The following EAF2 variants were observed in gnomAD, a reference collection of about 807,000 sequenced individuals.
EAF2 encodes ELL associated factor 2.
A neutral mutation model predicts 29.4 loss-of-function variants in EAF2; 29 were observed. The observed-to-expected ratio is 0.99, with a 90% CI of 0.73 to 1.35. EAF2 has a LOEUF of 1.35. Among genes scored for constraint, EAF2 ranks in the 40% most tolerant of loss-of-function variants. The pLI is 0.00. For missense variants in EAF2, 292 were observed against 312.0 expected (o/e 0.94, Z 0.48); for synonymous variants, 103 against 102.5 (o/e 1.00, Z -0.03).
intron 2 of EAF2, among the ~76,000 whole-genome samples, chr3:121,850,593 C>A (rs976264852): frequency 2.6e-5 from 4 of 152,100 alleles, no homozygotes; most frequent in Non-Finnish European, 4.4e-5. Context: ...AGCCAAGCAC[C>A]TAAGTTTTTG....
chr3:121,872,978 C>T, intron 5 of EAF2, 190 bp downstream of exon 5: 1 of 867,968 alleles, frequency 1.2e-6, no homozygotes, highest in Non-Finnish European at 1.8e-6. Flanking sequence ...GTTTTTCTCC[C>T]ATCTCTCTAG....
chr3:121,857,794 G>A (rs1268772224), intron 4 of EAF2, among the ~76,000 whole-genome samples: 5 of 152,042 alleles, frequency 3.3e-5, no homozygotes, highest in Non-Finnish European at 5.9e-5. Context: ...TTTACATTAG[G>A]TATATCTCCG....
chr3:121,850,449 A>G (rs191006552), intron 2 of EAF2, among the ~76,000 whole-genome samples: 8 of 148,840 alleles, frequency 5.4e-5, no homozygotes, highest in Middle Eastern at 7.0e-3. Flanking sequence ...ATATGATTTT[A>G]TTTTCTTATA....
chr3:121,879,767 T>C (rs945618228), intron 5 of EAF2, among the ~76,000 whole-genome samples: 3 of 152,138 alleles, frequency 2.0e-5, no homozygotes, highest in African/African-American at 7.2e-5. Flanking sequence ...TCTGTTCCAT[T>C]GGTCTGTGTG....
At chr3:121,858,254 C>T (rs527261892) in intron 4 of EAF2, among the ~76,000 whole-genome samples, 58 of 152,366 alleles carry the variant, frequency 3.8e-4, no homozygotes, top group African/African-American at 1.2e-3. Flanking sequence ...CACAGTCTTC[C>T]GCAATGGTTG....
At chr3:121,883,326 A>G (rs1203709500) in intron 5 of EAF2, among the ~76,000 whole-genome samples, 1 of 152,210 alleles carries the variant, frequency 6.6e-6, no homozygotes, top group Admixed American at 6.5e-5. Context: ...TCCAAATACA[A>G]TGAGCAGCAT....
chr3:121,866,760 G>T (rs1380166951), intron 4 of EAF2, among the ~76,000 whole-genome samples: 1 of 151,846 alleles, frequency 6.6e-6, no homozygotes, highest in Non-Finnish European at 1.5e-5. Flanking sequence ...AAAAGAAAAA[G>T]AAAATAAAAT....
At chr3:121,841,048 C>T (rs17742508) in intron 1 of EAF2, among the ~76,000 whole-genome samples, 37,490 of 151,912 alleles carry the variant, frequency 0.25, 4,958 homozygotes, top group Non-Finnish European at 0.28. Context: ...AGTAGTTTAG[C>T]TGATTGAAAA....
intron 4 of EAF2, among the ~76,000 whole-genome samples, chr3:121,862,093 T>G (rs1352690569): frequency 6.6e-6 from 1 of 152,220 alleles, no homozygotes; most frequent in African/African-American, 2.4e-5. Flanking sequence ...TCTCTCTGGC[T>G]TCCTTTAACA....
At chr3:121,860,461 G>T (rs889090231) in intron 4 of EAF2, among the ~76,000 whole-genome samples, 2 of 152,164 alleles carry the variant, frequency 1.3e-5, no homozygotes, top group Admixed American at 1.3e-4. Flanking sequence ...TTGCATAGAG[G>T]TGTTTATAGT....
chr3:121,839,322 C>T (rs990367728), intron 1 of EAF2, among the ~76,000 whole-genome samples: 2 of 152,180 alleles, frequency 1.3e-5, no homozygotes, highest in Non-Finnish European at 2.9e-5. Context: ...TGGGTTTATT[C>T]ATCCTCCGTG....
chr3:121,854,848 A>T, intron 3 of EAF2, 25 bp downstream of exon 3: 2 of 1,507,656 alleles, frequency 1.3e-6, no homozygotes, highest in Non-Finnish European at 1.8e-6. Context: ...GAAATAAATT[A>T]TATTATAAAC....
chr3:121,861,497 CTT>C (rs1032644061), intron 4 of EAF2, among the ~76,000 whole-genome samples: 5 of 151,150 alleles, frequency 3.3e-5, no homozygotes, highest in Non-Finnish European at 7.4e-5. Flanking sequence ...GCAACCCCTG[CTT>C]TTTTTTTGTT....
At chr3:121,841,504 C>CAAAAAAAAAAAAAAA (rs57868658) in intron 1 of EAF2, among the ~76,000 whole-genome samples, 30 of 25,962 alleles carry the variant, frequency 1.2e-3, no homozygotes, top group Non-Finnish European at 1.6e-3. Context: ...GACCCTGTCT[C>CAAAAAAAAAAAAAAA]AAAAAAAAAA....
chr3:121,873,226 A>G (rs1709047748), intron 5 of EAF2: 2 of 520,798 alleles, frequency 3.8e-6, no homozygotes, highest in South Asian at 3.0e-5. Context: ...ATCTCCCATC[A>G]TCTCATCACC....
At chr3:121,840,522 C>A (rs1443216601) in intron 1 of EAF2, among the ~76,000 whole-genome samples, 74 of 60,596 alleles carry the variant, frequency 1.2e-3, no homozygotes, top group African/African-American at 1.9e-3. Context: ...AAAAAAAAAA[C>A]GGGCCGGGTG....
chr3:121,839,268 A>G (rs564839667), intron 1 of EAF2, among the ~76,000 whole-genome samples: 2 of 152,284 alleles, frequency 1.3e-5, no homozygotes, highest in African/African-American at 4.8e-5. Flanking sequence ...CATTGATCCC[A>G]TATCTTCTCT....
chr3:121,865,134 C>A (rs1708901521), intron 4 of EAF2, among the ~76,000 whole-genome samples: 1 of 152,078 alleles, frequency 6.6e-6, no homozygotes, highest in African/African-American at 2.4e-5. Flanking sequence ...GGAGGCAAGG[C>A]ACAGTGGCTC....
chr3:121,872,810 C>T, intron 5 of EAF2, 22 bp downstream of exon 5: 1 of 1,586,560 alleles, frequency 6.3e-7, no homozygotes, highest in South Asian at 1.2e-5. Context: ...TAAACACAGG[C>T]AATTGGAAAA....
Sources: allele counts gnomAD v4.1 joint callset (sites outside exome capture counted in the v4.1 genomes callset), GRCh38; gene constraint gnomAD v4.1.1; transcripts MANE v1.5; gene names NCBI Gene and HGNC (gene_info 2026-07-23, HGNC 2026-07-21).